MAP3K21: variants seen among roughly 807,000 people sequenced by gnomAD.
MAP3K21 encodes mitogen-activated protein kinase kinase kinase 21.
A neutral mutation model predicts 86.1 loss-of-function variants in MAP3K21; 63 were observed. The observed-to-expected ratio is 0.73, with a 90% CI of 0.60 to 0.90. The LOEUF is 0.90. MAP3K21 is among the 40% of genes least tolerant of loss of function. MAP3K21 has a pLI of 0.00. For synonymous variants in MAP3K21, 558 were observed against 564.8 expected, an observed-to-expected ratio of 0.99 and a Z score of 0.17; for missense variants, 1,220 against 1,367.7, an observed-to-expected ratio of 0.89 and a Z score of 1.70.
chr1:233,334,705 A>G (rs934012031), intron 1 of MAP3K21, among the ~76,000 whole-genome samples: 1 of 152,178 alleles, frequency 6.6e-6, no homozygotes, highest in Admixed American at 6.5e-5. Context: ...AGAGCCATTG[A>G]TGGTTATTGA....
chr1:233,355,866 C>G (rs1035609368), intron 4 of MAP3K21, among the ~76,000 whole-genome samples: 1 of 152,166 alleles, frequency 6.6e-6, no homozygotes, highest in Admixed American at 6.5e-5. Context: ...TCTGTGCAGC[C>G]TTTCTTCCCT....
chr1:233,371,749 TTGTGTG>T (rs71574858), intron 5 of MAP3K21, among the ~76,000 whole-genome samples: 344 of 147,732 alleles, frequency 2.3e-3, no homozygotes, highest in East Asian at 8.0e-3. Context: ...ATATTTTCCT[TTGTGTG>T]TGTGTGTGTG....
rs145593563 is a variant in MAP3K21, at chr1:233,380,793, A to G, written c.2704+1083A>G. Among the ~76,000 whole-genome samples the G allele has an allele frequency of 1.1e-3, 169 of 152,318 alleles. 1 individual carries two copies. Among genetic ancestry groups the G allele is most frequent in the African/African-American group, 3.9e-3 (164 of 41,566 alleles). On this transcript the variant is annotated intron_variant, in intron 9 of 9. Coordinates refer to ENST00000366624, the MANE Select transcript of MAP3K21 (RefSeq NM_032435.3). ...GAGAATTCAAACTTACGGAAAATTA[A>G]TGTTATTCAAGGTCACACAATTAGG...
At chr1:233,370,078 G>A (rs1572254647) in intron 5 of MAP3K21, among the ~76,000 whole-genome samples, 1 of 152,208 alleles carries the variant, frequency 6.6e-6, no homozygotes, top group East Asian at 1.9e-4. Flanking sequence ...GGGGCCAAAT[G>A]TGGATGCAGG....
Position 233,353,902 on chromosome 1 carries a change from T to G in MAP3K21, c.1082T>G (p.Leu361Arg). Reference protein sequence around the residue: ...AVAYGVAVNKLTLPIPSTCPE... With the variant: ...AVAYGVAVNKRTLPIPSTCPE... ...GCTTATGGGGTAGCAGTCAATAAAC[T>G]CACTTTGCCCATTCCATCCACCTGC... The change falls in exon 3 of 10, where the codon CTC becomes CGC. Residue 361 changes from leucine (L) to arginine (R), a missense_variant. Leu to Arg is a moderately radical substitution (Grantham distance 102). Around this residue, in one of 5 missense-constraint regions of MAP3K21, gnomAD observed 126 missense variants for 127.7 expected, o/e 0.99. Coordinates refer to ENST00000366624, the MANE Select transcript of MAP3K21 (RefSeq NM_032435.3). 6.2e-7 allele frequency: 1 copy of G among 1,613,268 alleles called. No homozygotes were observed. The highest frequency in any genetic ancestry group is 8.5e-7 in the Non-Finnish European group (1 of 1,179,690).
chr1:233,338,786 A>G (rs984783858), intron 1 of MAP3K21, among the ~76,000 whole-genome samples: 3 of 152,236 alleles, frequency 2.0e-5, no homozygotes, highest in African/African-American at 7.2e-5. Flanking sequence ...CTACGACGCA[A>G]GAGACTTTTG....
chr1:233,371,087 A>G (rs749328959), intron 5 of MAP3K21, among the ~76,000 whole-genome samples: 8 of 152,200 alleles, frequency 5.3e-5, no homozygotes, highest in Non-Finnish European at 1.0e-4. Context: ...TTTCTCTTCC[A>G]TATGAACCTA....
chr1:233,375,036 G>C (rs1286250763), intron 6 of MAP3K21, among the ~76,000 whole-genome samples: 1 of 151,636 alleles, frequency 6.6e-6, no homozygotes, highest in African/African-American at 2.4e-5. Flanking sequence ...CTGCCACCTG[G>C]GTTCAAGCAA....
Position 233,382,344 on chromosome 1 carries a change from T to C in MAP3K21, c.2744T>C (p.Leu915Pro). ...ATCTCAGCCACTGGAGCCTCTGCAC[T>C]GCCACTCTGCCCCTCACCTGCTCCT... ...TIISATGASA[L>P]PLCPSPAPHS... The change falls in exon 10 of 10, where the codon CTG (leucine) becomes CCG (proline). Residue 915 changes from leucine to proline, a missense_variant. Leu to Pro is a moderately conservative substitution (Grantham distance 98). Transcript: ENST00000366624. 1 of 1,614,114 alleles carries C rather than the reference T, an allele frequency of 6.2e-7. No homozygotes were observed. Among genetic ancestry groups the C allele is most frequent in the Non-Finnish European group, 8.5e-7 (1 of 1,179,982 alleles).
In MAP3K21 at chr1:233,346,611, C is replaced by A; in HGVS notation, c.975C>A (p.Ser325Arg). ...VIKSSLFSKG[S>R]DIWSYGVLLW... ...AGTCTTCCTTGTTTTCTAAGGGAAG[C>A]GACATCTGGAGGTGAGCCTTTCCTT... is the stretch of plus-strand genomic sequence containing the variant. Residue 325 changes from serine to arginine, a missense_variant, in exon 2 of 10, where the codon AGC becomes AGA. Ser to Arg is a moderately radical substitution (Grantham distance 110). This residue lies in a region of MAP3K21 where 89 missense variants were observed against 144.8 expected (regional missense o/e 0.61). Transcript: ENST00000366624. 1 of 1,612,948 alleles carries A rather than the reference C, an allele frequency of 6.2e-7. No individual in the cohort carries two copies. Among genetic ancestry groups the A allele is most frequent in the Non-Finnish European group, 8.5e-7 (1 of 1,179,598 alleles).
chr1:233,372,400 A>C, intron 6 of MAP3K21: 2 of 445,724 alleles, frequency 4.5e-6, no homozygotes, highest in East Asian at 6.6e-5. Flanking sequence ...CTGGCCCCGG[A>C]GTAGAAAGTG....
At position 233,382,822 on chromosome 1, in the gene MAP3K21, T is replaced by C; in HGVS notation, c.*111T>C. 1 of 934,404 alleles carries C rather than the reference T, an allele frequency of 1.1e-6. No individual in the cohort carries two copies. Among genetic ancestry groups the C allele is most frequent in the Non-Finnish European group, 1.6e-6 (1 of 630,356 alleles). The allele number at this position is 934,404 out of a possible 1,614,324, so 57.9% of individuals were successfully genotyped here. ...TGTGTTTTCAAAAGCTGTGGCCATG[T>C]TCCTAAATTAGTAAGATATATCCAG... On this transcript the variant is annotated 3_prime_UTR_variant, in exon 10 of 10. Coordinates refer to ENST00000366624, the MANE Select transcript of MAP3K21 (RefSeq NM_032435.3).
chr1:233,357,998 C>A (rs1022996026), intron 4 of MAP3K21, among the ~76,000 whole-genome samples: 16 of 151,830 alleles, frequency 1.1e-4, no homozygotes, highest in African/African-American at 3.9e-4. Flanking sequence ...CCTCCCTCAC[C>A]CCCCACCAGG....
chr1:233,382,272 C>T (rs1056431196), intron 9 of MAP3K21, 33 bp from the exon 10 acceptor site: 1 of 1,560,728 alleles, frequency 6.4e-7, no homozygotes, highest in Non-Finnish European at 8.7e-7. Context: ...CATTTTCTTT[C>T]TAACTGCATA....
chr1:233,330,095 G>C (rs1294415046), intron 1 of MAP3K21, among the ~76,000 whole-genome samples: 1 of 152,210 alleles, frequency 6.6e-6, no homozygotes. Flanking sequence ...GCTAGCTCAA[G>C]TGAAAACATT....
intron 5 of MAP3K21, among the ~76,000 whole-genome samples, chr1:233,366,045 G>A (rs538226093): frequency 1.1e-4 from 16 of 152,298 alleles, no homozygotes; most frequent in East Asian, 1.9e-4. Context: ...TTGTGGCAAC[G>A]TGGATGAGCC....
chr1:233,353,696 G>C, intron 2 of MAP3K21, 111 bp from the exon 3 acceptor site: 1 of 1,029,930 alleles, frequency 9.7e-7, no homozygotes, highest in Non-Finnish European at 1.3e-6. Context: ...TTCTGGAATA[G>C]AGTGTCCTAT....
At chr1:233,353,641 G>A (rs552987280) in intron 2 of MAP3K21, among the ~76,000 whole-genome samples, 166 bp from the exon 3 acceptor site, 1 of 152,324 alleles carries the variant, frequency 6.6e-6, no homozygotes, top group Admixed American at 6.5e-5. Context: ...TTGTTGATGG[G>A]AAGAATCCAC....
chr1:233,343,445 AC>A (rs1663075638), intron 1 of MAP3K21, among the ~76,000 whole-genome samples: 1 of 152,176 alleles, frequency 6.6e-6, no homozygotes, highest in African/African-American at 2.4e-5. Context: ...TGGGATCCAA[AC>A]CAGGCGGGTT....
Sources: gnomAD v4.1 joint callset for allele counts (sites outside exome capture counted in the v4.1 genomes callset) on GRCh38, gnomAD v4.1.1 for gene constraint, gnomAD v4.1.1 regional missense constraint, MANE v1.5 for transcripts, NCBI Gene and HGNC (gene_info 2026-07-23, HGNC 2026-07-21) for gene names.